The following LSAMP variants were observed in gnomAD, a reference collection of about 807,000 sequenced individuals.
LSAMP encodes the protein limbic system-associated membrane protein.
LSAMP carries 7 observed loss-of-function variants against 38.6 expected under a neutral mutation model. The observed-to-expected ratio is 0.18, with a 90% CI of 0.10 to 0.34. The LOEUF is 0.34. LSAMP is among the 10% of genes least tolerant of loss of function. The pLI, the probability that LSAMP is intolerant of heterozygous loss-of-function variation, is 1.00. For missense variants in LSAMP, 313 were observed against 420.0 expected, an observed-to-expected ratio of 0.75 and a Z score of 2.23; for synonymous variants, 154 against 166.8, an observed-to-expected ratio of 0.92 and a Z score of 0.59.
intron 1 of LSAMP, among the ~76,000 whole-genome samples, chr3:116,306,243 T>C (rs998595736): frequency 2.0e-5 from 3 of 151,938 alleles, no homozygotes; most frequent in Non-Finnish European, 4.4e-5. Context: ...CCCATTGTAA[T>C]AGGAAGTGGA....
chr3:116,251,709 C>A (rs913124686), intron 1 of LSAMP, among the ~76,000 whole-genome samples: 1 of 152,098 alleles, frequency 6.6e-6, no homozygotes, highest in African/African-American at 2.4e-5. Flanking sequence ...CATTTAGGAA[C>A]AATTCCAGTG....
intron 1 of LSAMP, among the ~76,000 whole-genome samples, chr3:116,279,433 C>G (rs1305927291): frequency 6.6e-6 from 1 of 152,192 alleles, no homozygotes; most frequent in African/African-American, 2.4e-5. Flanking sequence ...GTATAAACAT[C>G]ACATCTTCAA....
intron 1 of LSAMP, among the ~76,000 whole-genome samples, chr3:116,251,282 A>C (rs2046681604): frequency 6.6e-6 from 1 of 152,218 alleles, no homozygotes; most frequent in Non-Finnish European, 1.5e-5. Flanking sequence ...GCATTCTGTA[A>C]TCTGAAATCT....
At chr3:115,939,530 C>CCCTTTCTTTCTTTCTT (rs1553751052) in intron 3 of LSAMP, among the ~76,000 whole-genome samples, 52 of 99,620 alleles carry the variant, frequency 5.2e-4, no homozygotes, top group Non-Finnish European at 6.3e-4. Flanking sequence ...TGTTCTCTTT[C>CCCTTTCTTTCTTTCTT]TCTTTCTTTC....
intron 3 of LSAMP, among the ~76,000 whole-genome samples, chr3:115,906,408 C>G (rs1937009308): frequency 6.6e-6 from 1 of 152,048 alleles, no homozygotes; most frequent in Admixed American, 6.6e-5. Context: ...TTAAATGAAT[C>G]AGATATTGTC....
chr3:116,238,775 C>T (rs2046495973), intron 1 of LSAMP, among the ~76,000 whole-genome samples: 1 of 152,108 alleles, frequency 6.6e-6, no homozygotes, highest in African/African-American at 2.4e-5. Context: ...GATATCAAAG[C>T]ATTCCATATG....
chr3:116,391,585 C>CGGG lies in LSAMP; in HGVS notation c.155+53291_155+53292insCCC, dbSNP rs139201367. On this transcript the variant is annotated intron_variant, in intron 1 of 6. Transcript: ENST00000490035. ...CAGTATGACTGGGCAGGAAGCAGGGCGCGGGGGTGGCAAGGAGGGGCCCAG... is the reference window on the plus strand; with the variant it reads ...CAGTATGACTGGGCAGGAAGCAGGGCGGGGCGGGGGTGGCAAGGAGGGGCCCAG... 5.4e-4 allele frequency among the ~76,000 whole-genome samples: 82 copies of CGGG among 151,644 alleles called. 2 individuals are homozygous for CGGG. The Middle Eastern group carries it at 0.021, about 38-fold the overall frequency.
At chr3:116,105,234 AC>A (rs1708437596) in intron 1 of LSAMP, among the ~76,000 whole-genome samples, 1 of 152,060 alleles carries the variant, frequency 6.6e-6, no homozygotes, top group Non-Finnish European at 1.5e-5. Context: ...AGAAACAAAT[AC>A]TGCCAGGCAA....
intron 1 of LSAMP, among the ~76,000 whole-genome samples, chr3:116,366,065 A>G (rs1023907357): frequency 1.0e-4 from 15 of 149,642 alleles, no homozygotes; most frequent in Non-Finnish European, 2.1e-4. Flanking sequence ...AAAAGAAACT[A>G]TCATCAGAAT....
At position 116,317,966 on chromosome 3, in the gene LSAMP, T is replaced by G. The variant is rs574492928; in HGVS notation, c.155+126911A>C. ...GCCTGGCCAACATGGTGAAACCCTA[T>G]CTCTACTAAAAGTAGAAAAATTAGC... On this transcript the variant is annotated intron_variant, in intron 1 of 6. Transcript: ENST00000490035. Among the ~76,000 whole-genome samples the G allele has an allele frequency of 4.0e-5, 6 of 151,512 alleles. No homozygotes were observed. In the East Asian group the frequency reaches 8.0e-4, roughly 20 times the overall value.
intron 1 of LSAMP, among the ~76,000 whole-genome samples, chr3:116,389,759 T>C (rs1368188834): frequency 6.6e-6 from 1 of 152,168 alleles, no homozygotes; most frequent in Non-Finnish European, 1.5e-5. Context: ...TGTGTTGGAA[T>C]CCTCTACTGA....
At chr3:116,198,113 T>C (rs565908134) in intron 1 of LSAMP, among the ~76,000 whole-genome samples, 22 of 152,220 alleles carry the variant, frequency 1.4e-4, no homozygotes, top group African/African-American at 5.1e-4. Context: ...GTTCAAAAGA[T>C]AAGGGCAGAA....
chr3:116,129,099 C>G (rs1057146664), intron 1 of LSAMP, among the ~76,000 whole-genome samples: 2 of 151,794 alleles, frequency 1.3e-5, no homozygotes, highest in East Asian at 1.9e-4. Context: ...TTTATGATAC[C>G]CCTTGAAAAA....
chr3:115,911,447 T>C (rs1321300407), intron 3 of LSAMP, among the ~76,000 whole-genome samples: 1 of 152,158 alleles, frequency 6.6e-6, no homozygotes, highest in Non-Finnish European at 1.5e-5. Flanking sequence ...AGCCTCGACC[T>C]CCTGGGCTCA....
At chr3:116,262,822 A>G (rs1439482603) in intron 1 of LSAMP, among the ~76,000 whole-genome samples, 1 of 152,214 alleles carries the variant, frequency 6.6e-6, no homozygotes, top group African/African-American at 2.4e-5. Flanking sequence ...TATGAAATCA[A>G]CAAAATCAAA....
intron 3 of LSAMP, among the ~76,000 whole-genome samples, chr3:115,949,189 A>G (rs1204959149): frequency 6.6e-6 from 1 of 152,252 alleles, no homozygotes; most frequent in East Asian, 1.9e-4. Flanking sequence ...AATCTGGGAG[A>G]TGGAGGTTGC....
chr3:116,158,852 T>A (rs1451113857), intron 1 of LSAMP, among the ~76,000 whole-genome samples: 3 of 152,058 alleles, frequency 2.0e-5, no homozygotes, highest in Non-Finnish European at 4.4e-5. Context: ...AAAACTATTT[T>A]AAAATTCACG....
intron 1 of LSAMP, among the ~76,000 whole-genome samples, chr3:116,323,962 T>G (rs2047738964): frequency 6.6e-6 from 1 of 152,186 alleles, no homozygotes; most frequent in Non-Finnish European, 1.5e-5. Context: ...CCTTTTGGGT[T>G]GAGACATTGT....
rs550498720 is a variant in LSAMP at position 115,808,234 on chromosome 3, C to A, written c.*2083G>T. The A allele has an allele frequency of 6.7e-6, 1 of 149,180 alleles. No homozygotes were observed. Among genetic ancestry groups the A allele is most frequent in the East Asian group, 2.0e-4 (1 of 5,006 alleles). 9.2% of individuals were successfully genotyped at this position (149,180 alleles called of 1,614,324 possible). On this transcript the variant is annotated 3_prime_UTR_variant, in exon 7 of 7. Transcript: ENST00000490035. The stretch of plus-strand genomic sequence containing the variant: ...CTTTTTTTCCAGTTACAAAGTTTCT[C>A]ATTTTATAACATGGAACAGCTATTT...
Sources: gnomAD v4.1 joint callset for allele counts (sites outside exome capture counted in the v4.1 genomes callset) on GRCh38, gnomAD v4.1.1 for gene constraint, MANE v1.5 for transcripts, NCBI Gene and HGNC (gene_info 2026-07-23, HGNC 2026-07-21) for gene names.